CSMD1: variants seen among roughly 807,000 people sequenced by gnomAD.
CSMD1 encodes the protein CUB and sushi domain-containing protein 1.
Under a neutral mutation model 417.5 loss-of-function variants are expected in CSMD1, and 213 were observed. The ratio of observed to expected loss-of-function variants is 0.51; its 90% confidence interval spans 0.46 to 0.57. The LOEUF is 0.57. CSMD1 is among the 20% of genes least tolerant of loss of function. CSMD1 has a pLI of 0.00. For missense variants in CSMD1, 6,923 were observed against 4,529.7 expected (o/e 1.53, Z -15.17); for synonymous variants, 2,862 against 1,736.8 (o/e 1.65, Z -16.11).
At chr8:4,178,546 C>G (rs1313772160) in intron 3 of CSMD1, among the ~76,000 whole-genome samples, 48 of 151,162 alleles carry the variant, frequency 3.2e-4, no homozygotes, top group Admixed American at 3.2e-3. Context: ...TCTCTCACCA[C>G]TCCTATTCAA....
At chr8:2,966,483 C>A (rs924245017) in intron 58 of CSMD1, 87 bp downstream of exon 58, 10 of 1,157,342 alleles carry the variant, frequency 8.6e-6, no homozygotes, top group Non-Finnish European at 9.6e-6. Context: ...AATAAAAAAA[C>A]AGTATAACAC....
chr8:3,995,005 T>G (rs964438821), intron 5 of CSMD1, among the ~76,000 whole-genome samples: 2 of 151,938 alleles, frequency 1.3e-5, no homozygotes, highest in Non-Finnish European at 2.9e-5. Context: ...TGGGAAGAGG[T>G]CGCAGCACCC....
chr8:3,639,999 G>A (rs1217623064), intron 7 of CSMD1, among the ~76,000 whole-genome samples: 1 of 152,186 alleles, frequency 6.6e-6, no homozygotes, highest in African/African-American at 2.4e-5. Flanking sequence ...TTGGGATATA[G>A]TAGGTGCTCA....
chr8:3,736,645 T>C (rs1796534146), intron 6 of CSMD1, among the ~76,000 whole-genome samples: 1 of 152,108 alleles, frequency 6.6e-6, no homozygotes, highest in African/African-American at 2.4e-5. Flanking sequence ...ATGCCCCAGG[T>C]CTTCCATCAC....
intron 49 of CSMD1, among the ~76,000 whole-genome samples, chr8:3,059,195 T>TA (rs968815645): frequency 3.8e-5 from 5 of 130,046 alleles, no homozygotes; most frequent in East Asian, 4.4e-4. Flanking sequence ...TGTTAAGAAC[T>TA]AAAAAAAAAT....
chr8:4,241,508 C>G (rs1371986669), intron 3 of CSMD1, among the ~76,000 whole-genome samples: 1 of 152,160 alleles, frequency 6.6e-6, no homozygotes, highest in Admixed American at 6.5e-5. Flanking sequence ...AATGTCTGTG[C>G]CCCCAGGAGG....
chr8:4,894,102 T>C (rs913558821), intron 1 of CSMD1, among the ~76,000 whole-genome samples: 4 of 152,232 alleles, frequency 2.6e-5, no homozygotes, highest in Admixed American at 6.5e-5. Flanking sequence ...AGTCTTCATA[T>C]AGGCCTGCGC....
chr8:3,221,593 T>G (rs1798219710), intron 28 of CSMD1, among the ~76,000 whole-genome samples: 1 of 152,134 alleles, frequency 6.6e-6, no homozygotes, highest in Non-Finnish European at 1.5e-5. Flanking sequence ...CTTTTTTTTT[T>G]GCCTGTACCA....
chr8:3,443,425 C>G (rs999941312), intron 12 of CSMD1, among the ~76,000 whole-genome samples: 8 of 152,218 alleles, frequency 5.3e-5, no homozygotes, highest in Non-Finnish European at 1.2e-4. Context: ...AAACACATTA[C>G]TGCTTACCCA....
chr8:3,945,189 A>AC (rs1166892694), intron 5 of CSMD1, among the ~76,000 whole-genome samples: 2 of 151,782 alleles, frequency 1.3e-5, no homozygotes, highest in East Asian at 3.8e-4. Context: ...AAAAAAAAAA[A>AC]AAAAAAAACA....
intron 10 of CSMD1, among the ~76,000 whole-genome samples, chr8:3,517,093 C>T (rs1797312188): frequency 6.6e-6 from 1 of 152,160 alleles, no homozygotes; most frequent in Non-Finnish European, 1.5e-5. Flanking sequence ...CATCTGGCGG[C>T]CTTCTCAGGA....
At chr8:3,798,432 A>G (rs968336637) in intron 5 of CSMD1, among the ~76,000 whole-genome samples, 3 of 152,008 alleles carry the variant, frequency 2.0e-5, no homozygotes, top group Non-Finnish European at 4.4e-5. Context: ...GTGCAGTTTC[A>G]CTGATATACT....
At chr8:4,108,465 A>G (rs943300427) in intron 3 of CSMD1, among the ~76,000 whole-genome samples, 2 of 152,172 alleles carry the variant, frequency 1.3e-5, no homozygotes, top group African/African-American at 4.8e-5. Context: ...TCTGCTTTAA[A>G]AGCATCAGAT....
chr8:4,254,317 T>C (rs1563341946), intron 3 of CSMD1, among the ~76,000 whole-genome samples: 1 of 152,146 alleles, frequency 6.6e-6, no homozygotes, highest in East Asian at 1.9e-4. Context: ...ATTCGATTAT[T>C]GATAACATTC....
At chr8:3,373,493 G>A (rs1460503429) in intron 18 of CSMD1, 1 of 152,120 alleles carries the variant, frequency 6.6e-6, no homozygotes, top group Non-Finnish European at 1.5e-5. Flanking sequence ...ATATTTTTCA[G>A]GAGAAGGAAA....
intron 5 of CSMD1, among the ~76,000 whole-genome samples, chr8:3,946,244 A>T (rs1486931103): frequency 1.3e-5 from 2 of 152,176 alleles, no homozygotes; most frequent in Non-Finnish European, 2.9e-5. Flanking sequence ...ATGCATCTTG[A>T]TATTGTAATT....
intron 2 of CSMD1, among the ~76,000 whole-genome samples, chr8:4,619,242 A>T (rs1243692318): frequency 1.3e-5 from 2 of 152,154 alleles, no homozygotes. Flanking sequence ...TTGAAAGACT[A>T]ATTACATGTT....
Position 3,243,620 on chromosome 8 carries a change from T to A in CSMD1, c.4154-13389A>T, listed in dbSNP as rs551646873. Among the ~76,000 whole-genome samples the A allele has an allele frequency of 5.7e-4, 87 of 152,126 alleles. 2 individuals are homozygous for A. The South Asian group carries it at 9.8e-3, about 17-fold the overall frequency. ...CATTTTCACTTCTTTTGTGGTGGAATGTCATCAGTTAAGGCAGGAACTGGC... is the reference window on the plus strand; with the variant it reads ...CATTTTCACTTCTTTTGTGGTGGAAAGTCATCAGTTAAGGCAGGAACTGGC... On this transcript the variant is annotated intron_variant, in intron 26 of 69. Coordinates refer to ENST00000635120, the MANE Select transcript of CSMD1 (RefSeq NM_033225.6).
At position 3,029,556 on chromosome 8, in the gene CSMD1, G is replaced by C. The variant is rs888897475; in HGVS notation, c.7661-43C>G. 6 of 1,514,020 alleles carry C rather than the reference G, an allele frequency of 4.0e-6. No homozygotes were observed. The Admixed American group carries it at 1.0e-4, about 25-fold the overall frequency. 93.8% of individuals were successfully genotyped at this position (1,514,020 alleles called of 1,614,324 possible). On this transcript the variant is annotated intron_variant, in intron 50 of 69. Coordinates refer to ENST00000635120, the MANE Select transcript of CSMD1 (RefSeq NM_033225.6). Reference sequence around the variant, plus strand: ...ATCACATCATCATTTTTCTTTTTTGGAAAACATCAGACCGTGCTTGCTTTG... The same window carrying C: ...ATCACATCATCATTTTTCTTTTTTGCAAAACATCAGACCGTGCTTGCTTTG...
Sources: gnomAD v4.1 joint callset for allele counts (sites outside exome capture counted in the v4.1 genomes callset) on GRCh38, gnomAD v4.1.1 for gene constraint, MANE v1.5 for transcripts, NCBI Gene and HGNC (gene_info 2026-07-23, HGNC 2026-07-21) for gene names.